ANO2: variants seen among roughly 807,000 people sequenced by gnomAD.
ANO2 encodes anoctamin-2.
A neutral mutation model predicts 124.2 loss-of-function variants in ANO2; 101 were observed. The ratio of observed to expected loss-of-function variants is 0.81; its 90% CI spans 0.69 to 0.96. ANO2 has a LOEUF of 0.96. Among genes scored for constraint, ANO2 ranks in the 40% least tolerant of loss-of-function variants. ANO2 has a pLI of 0.00. For synonymous variants in ANO2, 486 were observed against 482.5 expected (o/e 1.01, Z -0.09); for missense variants, 1,293 against 1,274.5 (o/e 1.01, Z -0.22).
chr12:5,735,155 G>A (rs1437602004), intron 13 of ANO2, among the ~76,000 whole-genome samples: 5 of 152,176 alleles, frequency 3.3e-5, no homozygotes, highest in East Asian at 1.9e-4. Flanking sequence ...TCCAGCCCCC[G>A]GGAGGGCTGC....
At chr12:5,933,005 A>C (rs1320091838) in intron 1 of ANO2, among the ~76,000 whole-genome samples, 2 of 152,178 alleles carry the variant, frequency 1.3e-5, no homozygotes, top group African/African-American at 4.8e-5. Flanking sequence ...TGGCTGGTTG[A>C]GATTATGGCC....
intron 10 of ANO2, among the ~76,000 whole-genome samples, chr12:5,794,598 C>A (rs560989447): frequency 3.5e-4 from 53 of 152,328 alleles, no homozygotes; most frequent in Middle Eastern, 6.8e-3. Flanking sequence ...ATTCCTCTAG[C>A]AGCAATTACT....
intron 3 of ANO2, chr12:5,870,334 G>A (rs936932853): frequency 5.3e-5 from 8 of 152,174 alleles, no homozygotes; most frequent in Non-Finnish European, 7.3e-5. Context: ...AGGGCAGTGG[G>A]GGAAACACGG....
chr12:5,750,765 A>T, intron 11 of ANO2, 71 bp downstream of exon 11: 1 of 1,493,612 alleles, frequency 6.7e-7, no homozygotes, highest in South Asian at 1.3e-5. Context: ...TGTGAAATGT[A>T]CTTGTACTGG....
chr12:5,669,947 T>C (rs1171306555), intron 14 of ANO2, among the ~76,000 whole-genome samples: 1 of 152,234 alleles, frequency 6.6e-6, no homozygotes, highest in Non-Finnish European at 1.5e-5. Flanking sequence ...GTTGTGTCCA[T>C]GAATACATGG....
At chr12:5,945,795 G>A (rs956384587), upstream of ANO2, among the ~76,000 whole-genome samples, 1 of 152,236 alleles carries the variant, frequency 6.6e-6, no homozygotes, top group South Asian at 2.1e-4. Context: ...GAACAAAAGG[G>A]AGAAGAGGCA....
chr12:5,751,892 T>A (rs1250406796), intron 10 of ANO2, among the ~76,000 whole-genome samples: 1 of 150,848 alleles, frequency 6.6e-6, no homozygotes, highest in Admixed American at 6.6e-5. Context: ...TTCCCCTCTC[T>A]GCAGCCCCTG....
At chr12:5,857,311 T>C (rs1198250413) in intron 3 of ANO2, among the ~76,000 whole-genome samples, 1 of 152,218 alleles carries the variant, frequency 6.6e-6, no homozygotes, top group Non-Finnish European at 1.5e-5. Context: ...CCTTAGTTAT[T>C]GTGAATAGTC....
intron 7 of ANO2, among the ~76,000 whole-genome samples, chr12:5,819,059 A>C (rs1047809643): frequency 1.2e-4 from 18 of 152,318 alleles, no homozygotes; most frequent in African/African-American, 4.3e-4. Context: ...ACCTGCAGTG[A>C]AAGGTGCATT....
At chr12:5,628,511 G>A (rs1033431791) in intron 16 of ANO2, among the ~76,000 whole-genome samples, 1 of 152,178 alleles carries the variant, frequency 6.6e-6, no homozygotes, top group African/African-American at 2.4e-5. Context: ...TCAGTTCCAT[G>A]ACCTTGGGCC....
At chr12:5,717,133 T>G (rs1950052472) in intron 14 of ANO2, among the ~76,000 whole-genome samples, 1 of 152,238 alleles carries the variant, frequency 6.6e-6, no homozygotes, top group Non-Finnish European at 1.5e-5. Flanking sequence ...CAGGCTGTGC[T>G]GCAGCCAGCT....
intron 14 of ANO2, among the ~76,000 whole-genome samples, chr12:5,666,178 T>C (rs1268885448): frequency 6.6e-6 from 1 of 152,084 alleles, no homozygotes; most frequent in East Asian, 1.9e-4. Flanking sequence ...AGGTTGAGGC[T>C]GGGAAAGAGA....
At chr12:5,645,415 G>A (rs1195721953) in intron 15 of ANO2, among the ~76,000 whole-genome samples, 3 of 151,412 alleles carry the variant, frequency 2.0e-5, no homozygotes, top group Admixed American at 6.6e-5. Context: ...ATCCATGGTC[G>A]TGTGTGTGTG....
At position 5,769,776 on chromosome 12, in the gene ANO2, T is replaced by C. The variant is rs929383030; in HGVS notation, c.1056-18806A>G. Among the ~76,000 whole-genome samples the C allele has an allele frequency of 1.3e-5, 2 of 152,140 alleles. No homozygotes were observed. The highest frequency in any genetic ancestry group is 4.8e-5 in the African/African-American group (2 of 41,436). On this transcript the variant is annotated intron_variant, in intron 10 of 24. Coordinates refer to ENST00000682330, the MANE Select transcript of ANO2 (RefSeq NM_001364791.2). The surrounding 1 kb of genome is among the most constrained non-coding windows in gnomAD (Gnocchi z 4.0). The stretch of plus-strand genomic sequence containing the variant: ...TGAATGTTTTGCACGCATGATCCCT[T>C]AGGATCCTCACAAGAATCTAAGTGG...
chr12:5,643,843 A>C (rs1016043708), intron 15 of ANO2, among the ~76,000 whole-genome samples: 3 of 152,162 alleles, frequency 2.0e-5, no homozygotes, highest in African/African-American at 7.2e-5. Context: ...TCTTTTGTGA[A>C]GTACATATTC....
chr12:5,568,705 C>T (rs1401843893), intron 23 of ANO2, among the ~76,000 whole-genome samples: 1 of 152,198 alleles, frequency 6.6e-6, no homozygotes, highest in African/African-American at 2.4e-5. Flanking sequence ...CGAATAATTT[C>T]CACCACCGTG....
At chr12:5,903,089 T>C (rs1293725412) in intron 3 of ANO2, among the ~76,000 whole-genome samples, 1 of 151,716 alleles carries the variant, frequency 6.6e-6, no homozygotes, top group African/African-American at 2.4e-5. Flanking sequence ...GACAAAGGCT[T>C]CTGTCTTTCT....
intron 10 of ANO2, among the ~76,000 whole-genome samples, chr12:5,762,474 T>TA (rs1565649876): frequency 1.3e-5 from 2 of 151,922 alleles, no homozygotes; most frequent in African/African-American, 4.8e-5. Flanking sequence ...ACTAAGTATA[T>TA]AAAATGATAA....
rs1945983766 is a variant in ANO2, at chr12:5,635,714, G to C, written c.1621-367C>G. Among the ~76,000 whole-genome samples the C allele has an allele frequency of 1.3e-5, 2 of 151,994 alleles. No individual in the cohort carries two copies. Among genetic ancestry groups the C allele is most frequent in the Admixed American group, 6.6e-5 (1 of 15,246 alleles). On this transcript the variant is annotated intron_variant, in intron 15 of 24. Coordinates refer to ENST00000682330, the MANE Select transcript of ANO2 (RefSeq NM_001364791.2). The surrounding 1 kb of genome is among the most constrained non-coding windows in gnomAD (Gnocchi z 5.2). ...ATTAGGGAGCTTTTGATCTTCTAAAGAGATAACATGAACTCCTTTTAAATA... is the reference window on the plus strand; with the variant it reads ...ATTAGGGAGCTTTTGATCTTCTAAACAGATAACATGAACTCCTTTTAAATA...
Sources: gnomAD v4.1 joint callset for allele counts (sites outside exome capture counted in the v4.1 genomes callset) on GRCh38, gnomAD v4.1.1 for gene constraint, Gnocchi (gnomAD v3.1) non-coding constraint, MANE v1.5 for transcripts, NCBI Gene and HGNC (gene_info 2026-07-23, HGNC 2026-07-21) for gene names.